The following ATP8B4 variants were observed in gnomAD, a reference collection of about 807,000 sequenced individuals.
ATP8B4 encodes the protein probable phospholipid-transporting ATPase IM.
A neutral mutation model predicts 145.6 loss-of-function variants in ATP8B4; 133 were observed. The ratio of observed to expected loss-of-function variants is 0.91; its 90% CI spans 0.79 to 1.05. ATP8B4 has a LOEUF of 1.05. Ranked by LOEUF, ATP8B4 falls within the 50% of genes least tolerant of loss-of-function variation. The pLI is 0.00. For synonymous variants in ATP8B4, 507 were observed against 492.9 expected (o/e 1.03, Z -0.38); for missense variants, 1,458 against 1,425.2 (o/e 1.02, Z -0.37).
intron 7 of ATP8B4, among the ~76,000 whole-genome samples, chr15:50,006,216 A>T (rs2048288573): frequency 6.6e-6 from 1 of 152,006 alleles, no homozygotes; most frequent in African/African-American, 2.4e-5. Context: ...GTGACAAAGA[A>T]GAGAAGGAAG....
chr15:49,999,051 G>A, intron 8 of ATP8B4, among the ~76,000 whole-genome samples: 1 of 151,938 alleles, frequency 6.6e-6, no homozygotes, highest in Non-Finnish European at 1.5e-5. Context: ...GATAGTTGTA[G>A]ATAAATCATG....
intron 2 of ATP8B4, among the ~76,000 whole-genome samples, chr15:50,103,811 A>G (rs1202021114): frequency 6.6e-6 from 1 of 152,180 alleles, no homozygotes; most frequent in Non-Finnish European, 1.5e-5. Flanking sequence ...TAGAAGCATT[A>G]CATTACCCGA....
At chr15:49,987,329 C>T in intron 10 of ATP8B4, 62 bp downstream of exon 10, 3 of 1,547,762 alleles carry the variant, frequency 1.9e-6, no homozygotes, top group Non-Finnish European at 2.6e-6. Context: ...GAATCATAGA[C>T]TGTGCTGGTG....
chr15:50,033,240 T>G (rs767822203), intron 6 of ATP8B4, among the ~76,000 whole-genome samples: 1 of 152,170 alleles, frequency 6.6e-6, no homozygotes, highest in African/African-American at 2.4e-5. Flanking sequence ...AGTTTACCAA[T>G]GCCCAGGAAA....
intron 13 of ATP8B4, among the ~76,000 whole-genome samples, chr15:49,971,029 C>T (rs2045072157): frequency 6.6e-6 from 1 of 152,074 alleles, no homozygotes; most frequent in Non-Finnish European, 1.5e-5. Context: ...GAAAGGATTC[C>T]CTGTTTAATA....
At chr15:50,079,780 T>C (rs1052406746) in intron 2 of ATP8B4, among the ~76,000 whole-genome samples, 1 of 152,222 alleles carries the variant, frequency 6.6e-6, no homozygotes. Context: ...TATGTGTTCG[T>C]TGACTAATCA....
chr15:49,878,574 A>G (rs1344851697), intron 24 of ATP8B4, among the ~76,000 whole-genome samples: 3 of 152,238 alleles, frequency 2.0e-5, no homozygotes, highest in Admixed American at 2.0e-4. Context: ...TAATTGTGCC[A>G]CGGAAATTCC....
chr15:50,080,734 C>A (rs1030508777), intron 2 of ATP8B4, among the ~76,000 whole-genome samples: 1 of 151,960 alleles, frequency 6.6e-6, no homozygotes, highest in African/African-American at 2.4e-5. Context: ...TGTCTGGCCC[C>A]CTGCTAGAAA....
At chr15:49,871,493 G>A (rs1220879263) in intron 25 of ATP8B4, among the ~76,000 whole-genome samples, 4 of 152,184 alleles carry the variant, frequency 2.6e-5, no homozygotes, top group Non-Finnish European at 2.9e-5. Flanking sequence ...ATGGCATCAT[G>A]AGGAGCAAGT....
chr15:50,128,778 G>T lies in ATP8B4; in HGVS notation c.-42-21770C>A, dbSNP rs985330928. ...CAGATCCTTTGTAAAAAGTTAAGTA[G>T]GCTGGGCGCAGTGGCTCATGCCTAT... On this transcript the variant is annotated intron_variant, in intron 1 of 3. Coordinates refer to the ATP8B4 transcript ENST00000558829. Among the ~76,000 whole-genome samples, 77 of 152,302 alleles carry T rather than the reference G, an allele frequency of 5.1e-4. 1 individual carries two copies. The highest frequency in any genetic ancestry group is 1.9e-4 in the Non-Finnish European group (13 of 68,024).
intron 1 of ATP8B4, among the ~76,000 whole-genome samples, chr15:50,177,604 G>C (rs893374035): frequency 1.3e-5 from 2 of 152,166 alleles, no homozygotes; most frequent in African/African-American, 2.4e-5. Flanking sequence ...TCCTCCCAGA[G>C]CCCCTTTCCC....
At chr15:50,149,903 C>T (rs1485852126) in intron 1 of ATP8B4, among the ~76,000 whole-genome samples, 2 of 152,104 alleles carry the variant, frequency 1.3e-5, no homozygotes, top group Non-Finnish European at 2.9e-5. Context: ...GAGTTTGAGA[C>T]CAGCCTGGCC....
At chr15:50,176,426 C>G (rs1420503640) in intron 1 of ATP8B4, among the ~76,000 whole-genome samples, 1 of 151,998 alleles carries the variant, frequency 6.6e-6, no homozygotes, top group African/African-American at 2.4e-5. Flanking sequence ...GTATACTGCT[C>G]AGGTCATGGG....
intron 1 of ATP8B4, among the ~76,000 whole-genome samples, chr15:50,179,122 G>A (rs1425710229): frequency 6.6e-6 from 1 of 152,124 alleles, no homozygotes; most frequent in Non-Finnish European, 1.5e-5. Flanking sequence ...AACAAAGTGC[G>A]CTTGAAAAGG....
intron 3 of ATP8B4, among the ~76,000 whole-genome samples, chr15:50,048,886 G>A (rs2051945711): frequency 6.6e-6 from 1 of 152,120 alleles, no homozygotes; most frequent in Non-Finnish European, 1.5e-5. Context: ...CCATCAGACA[G>A]GATTTGTACT....
chr15:50,074,307 T>C, intron 2 of ATP8B4, 122 bp from the exon 3 acceptor site: 1 of 824,078 alleles, frequency 1.2e-6, no homozygotes, highest in Non-Finnish European at 1.9e-6. Context: ...TTCTTTCAAA[T>C]TTGAAGGTAT....
intron 27 of ATP8B4, among the ~76,000 whole-genome samples, chr15:49,861,473 T>TCTATCTATCTATCTATCTACCTAC (rs1285604644): frequency 9.6e-5 from 13 of 135,590 alleles, no homozygotes; most frequent in African/African-American, 3.9e-4. Flanking sequence ...TATCTATCTA[T>TCTATCTATCTATCTATCTACCTAC]CTACCTACCT....
At chr15:49,866,103 T>A (rs1482899904) in intron 26 of ATP8B4, among the ~76,000 whole-genome samples, 1 of 152,198 alleles carries the variant, frequency 6.6e-6, no homozygotes, top group African/African-American at 2.4e-5. Context: ...GACAGCCTAC[T>A]ACATGTAAGC....
chr15:49,964,409 A>G (rs959294033), intron 13 of ATP8B4, among the ~76,000 whole-genome samples: 8 of 152,198 alleles, frequency 5.3e-5, no homozygotes, highest in Non-Finnish European at 1.2e-4. Context: ...AGGGCTGTTG[A>G]TGAAAGTGAA....
Sources: gnomAD v4.1 joint callset for allele counts (sites outside exome capture counted in the v4.1 genomes callset) on GRCh38, gnomAD v4.1.1 for gene constraint, MANE v1.5 for transcripts, NCBI Gene and HGNC (gene_info 2026-07-23, HGNC 2026-07-21) for gene names.